Variants in DYRK1A observed in about 807,000 individuals in gnomAD.
The protein encoded by DYRK1A is dual specificity tyrosine phosphorylation regulated kinase 1A.
In DYRK1A, 9 loss-of-function variants were observed where a neutral mutation model predicts 79.7. The observed-to-expected ratio is 0.11, with a 90% confidence interval of 0.07 to 0.20. The LOEUF (loss-of-function observed/expected upper bound fraction) is 0.20, where lower values mean the gene tolerates loss of function less well. DYRK1A is among the 10% of genes least tolerant of loss of function. The pLI, the probability that DYRK1A is intolerant of heterozygous loss-of-function variation, is 1.00. For synonymous variants in DYRK1A, 349 were observed against 329.7 expected (o/e 1.06, Z -0.63); for missense variants, 622 against 956.0 (o/e 0.65, Z 4.61).
chr21:37,440,543 C>T (rs2051071796), intron 2 of DYRK1A, among the ~76,000 whole-genome samples: 1 of 152,098 alleles, frequency 6.6e-6, no homozygotes, highest in Non-Finnish European at 1.5e-5. Context: ...TTCTCCGTAA[C>T]TATTGTCTTA....
intron 2 of DYRK1A, among the ~76,000 whole-genome samples, chr21:37,434,966 G>A (rs1421819301): frequency 2.0e-5 from 3 of 152,196 alleles, no homozygotes; most frequent in Non-Finnish European, 2.9e-5. Context: ...GGCAGCATCT[G>A]TTAGAAAAAC....
At chr21:37,511,661 G>A (rs921534627) in intron 11 of DYRK1A, among the ~76,000 whole-genome samples, 6 of 152,182 alleles carry the variant, frequency 3.9e-5, no homozygotes, top group African/African-American at 7.2e-5. Flanking sequence ...GAAGGACAGT[G>A]GCTAGTGAAA....
At chr21:37,461,055 A>C (rs2148526218) in intron 2 of DYRK1A, among the ~76,000 whole-genome samples, 1 of 152,222 alleles carries the variant, frequency 6.6e-6, no homozygotes, top group Non-Finnish European at 1.5e-5. Flanking sequence ...AAGAGTGGTA[A>C]GGGCCCTTTT....
chr21:37,496,346 A>G, intron 9 of DYRK1A, 88 bp downstream of exon 9: 1 of 1,375,180 alleles, frequency 7.3e-7, no homozygotes. Context: ...TTTACTTGAA[A>G]TCAGTGTGTT....
chr21:37,369,367 A>G (rs1339841980), intron 1 of DYRK1A, among the ~76,000 whole-genome samples: 1 of 152,236 alleles, frequency 6.6e-6, no homozygotes. Flanking sequence ...AAGCTGCAGA[A>G]GATCATTTCA....
chr21:37,491,061 T>G (rs754627222), intron 7 of DYRK1A, among the ~76,000 whole-genome samples: 31 of 152,188 alleles, frequency 2.0e-4, no homozygotes, highest in Middle Eastern at 3.2e-3. Flanking sequence ...GAAAATTCAG[T>G]TGATAGACTT....
chr21:37,455,214 G>A (rs1008669477), intron 2 of DYRK1A, among the ~76,000 whole-genome samples: 6 of 151,988 alleles, frequency 3.9e-5, no homozygotes, highest in Non-Finnish European at 1.5e-5. Flanking sequence ...CAGATGACAT[G>A]TTTTTTCCAG....
At chr21:37,452,657 G>T (rs11088398) in intron 2 of DYRK1A, among the ~76,000 whole-genome samples, 42,607 of 151,868 alleles carry the variant, frequency 0.28, 6,159 homozygotes, top group South Asian at 0.37. Context: ...ATGGGGAGGG[G>T]AAGGGAAGGG....
chr21:37,449,543 C>T (rs920331690), intron 2 of DYRK1A, among the ~76,000 whole-genome samples: 1 of 152,122 alleles, frequency 6.6e-6, no homozygotes, highest in Admixed American at 6.5e-5. Context: ...ATTTCATTGG[C>T]TTGGTCTTAG....
At chr21:37,500,618 TATTTA>T (rs1193573030) in intron 9 of DYRK1A, among the ~76,000 whole-genome samples, 1 of 152,170 alleles carries the variant, frequency 6.6e-6, no homozygotes, top group African/African-American at 2.4e-5. Context: ...GTTAGAAGGT[TATTTA>T]ATTATAATTT....
At position 37,396,903 on chromosome 21, in the gene DYRK1A, T is replaced by C. The variant is rs138479368; in HGVS notation, c.-76-23396T>C. Among the ~76,000 whole-genome samples the C allele has an allele frequency of 1.5e-4, 23 of 152,286 alleles. No individual in the cohort carries two copies. The East Asian group carries it at 4.2e-3, about 28-fold the overall frequency. On this transcript the variant is annotated intron_variant, in intron 1 of 11. Transcript: ENST00000647188. ...TGATGGCTCTAAGAGCATGGAATCA[T>C]CTGGAGGTGAGTGCCTAGGTTGGTG...
At chr21:37,368,531 G>A (rs1240328523) in intron 1 of DYRK1A, among the ~76,000 whole-genome samples, 1 of 152,194 alleles carries the variant, frequency 6.6e-6, no homozygotes, top group Non-Finnish European at 1.5e-5. Context: ...CACAGCGCAG[G>A]AATGCTAGCA....
chr21:37,446,236 T>C (rs1171493711), intron 2 of DYRK1A, among the ~76,000 whole-genome samples: 2 of 152,242 alleles, frequency 1.3e-5, no homozygotes, highest in African/African-American at 2.4e-5. Flanking sequence ...TCATTTTGCA[T>C]GTAATGGATT....
intron 4 of DYRK1A, among the ~76,000 whole-genome samples, chr21:37,479,609 TTTG>T (rs1393323231): frequency 2.9e-5 from 2 of 69,568 alleles, no homozygotes; most frequent in African/African-American, 1.0e-4. Flanking sequence ...TGTTTTTGTT[TTTG>T]TTTTTTGTTT....
chr21:37,475,424 T>C (rs2052362519), intron 3 of DYRK1A, among the ~76,000 whole-genome samples: 1 of 152,288 alleles, frequency 6.6e-6, no homozygotes, highest in Non-Finnish European at 1.5e-5. Flanking sequence ...TGGCCTTGAG[T>C]GTTAGTATAG....
intron 2 of DYRK1A, among the ~76,000 whole-genome samples, chr21:37,462,435 G>A (rs2051872213): frequency 6.6e-6 from 1 of 152,072 alleles, no homozygotes; most frequent in Non-Finnish European, 1.5e-5. Context: ...GATTTTCTGG[G>A]GTCTCTGTTG....
chr21:37,443,794 C>T (rs958995720), intron 2 of DYRK1A, among the ~76,000 whole-genome samples: 2 of 151,940 alleles, frequency 1.3e-5, no homozygotes, highest in Non-Finnish European at 2.9e-5. Context: ...CGGTGGTCTT[C>T]CTGTGTGTGT....
intron 2 of DYRK1A, among the ~76,000 whole-genome samples, chr21:37,453,553 GA>G (rs757287501): frequency 5.3e-5 from 8 of 152,228 alleles, no homozygotes; most frequent in Non-Finnish European, 8.8e-5. Flanking sequence ...ACTGATGGAG[GA>G]AAGCCCGAGC....
chr21:37,477,949 T>C (rs2052459299), intron 3 of DYRK1A, among the ~76,000 whole-genome samples: 2 of 152,246 alleles, frequency 1.3e-5, no homozygotes, highest in South Asian at 4.1e-4. Context: ...TCTACCACTT[T>C]AAATTTGGCG....
Sources: allele counts gnomAD v4.1 joint callset (sites outside exome capture counted in the v4.1 genomes callset), GRCh38; gene constraint gnomAD v4.1.1; transcripts MANE v1.5; gene names NCBI Gene and HGNC (gene_info 2026-07-23, HGNC 2026-07-21).